Variants in SNRPN observed in about 807,000 individuals in gnomAD.
SNRPN encodes the protein small nuclear ribonucleoprotein polypeptide N.
Under a neutral mutation model 25.2 loss-of-function variants are expected in SNRPN, and 7 were observed. The observed-to-expected ratio is 0.28, with a 90% CI of 0.16 to 0.52. The LOEUF is 0.52. Ranked by LOEUF, SNRPN falls within the 20% of genes least tolerant of loss-of-function variation. The pLI is 0.96. For missense variants in SNRPN, 196 were observed against 322.5 expected, an observed-to-expected ratio of 0.61 and a Z score of 3.00; for synonymous variants, 124 against 110.6, an observed-to-expected ratio of 1.12 and a Z score of -0.76.
Position 24,878,344 on chromosome 15 carries a change from C to A in SNRPN, c.-578-8172C>A, listed in dbSNP as rs58814600. On this transcript the variant is annotated intron_variant, in intron 1 of 11. Coordinates refer to the SNRPN transcript ENST00000400097. ...GAAATGTGCCACCGTTCTGAGCGGC[C>A]GACAAACCCGCAGTGCGCTACGGGA... Among the ~76,000 whole-genome samples, 114 of 152,240 alleles carry A rather than the reference C, an allele frequency of 7.5e-4. 1 individual carries two copies. In the East Asian group the frequency reaches 0.018, roughly 24 times the overall value.
chr15:24,901,240 A>G (rs962323054), intron 2 of SNRPN, among the ~76,000 whole-genome samples: 1 of 152,204 alleles, frequency 6.6e-6, no homozygotes, highest in South Asian at 2.1e-4. Flanking sequence ...TTTGCCAAAG[A>G]CACAATGTAC....
intron 2 of SNRPN, among the ~76,000 whole-genome samples, chr15:24,899,516 G>A (rs1169175123): frequency 6.6e-6 from 1 of 152,192 alleles, no homozygotes; most frequent in Non-Finnish European, 1.5e-5. Flanking sequence ...TAGCATGCAT[G>A]CCTTTCTCCA....
rs530900377 is a variant in SNRPN at position 24,866,724 on chromosome 15, G to A, written c.-579+10008G>A. On this transcript the variant is annotated intron_variant, in intron 1 of 11. Coordinates refer to the SNRPN transcript ENST00000400097. ...TCAACCCCAGGCTCTGGTAACTACC[G>A]TTCTACATCCCCACTTGTATGAAAT... 2.7e-4 allele frequency among the ~76,000 whole-genome samples: 41 copies of A among 152,134 alleles called. No individual in the cohort carries two copies. In the South Asian group the frequency reaches 7.5e-3, roughly 28 times the overall value.
intron 3 of SNRPN, among the ~76,000 whole-genome samples, chr15:24,969,231 T>C (rs2076086645): frequency 6.6e-6 from 1 of 152,162 alleles, no homozygotes; most frequent in South Asian, 2.1e-4. Context: ...CAGGTTCAAC[T>C]GATTTTCCTG....
intron 2 of SNRPN, among the ~76,000 whole-genome samples, chr15:24,887,654 C>T (rs2057314726): frequency 6.6e-6 from 1 of 152,046 alleles, no homozygotes; most frequent in Non-Finnish European, 1.5e-5. Context: ...AAAAATGTAA[C>T]CGAAAATTAA....
chr15:24,845,440 A>C (rs1372370841), intron 2 of SNRPN, among the ~76,000 whole-genome samples: 1 of 152,082 alleles, frequency 6.6e-6, no homozygotes, highest in Non-Finnish European at 1.5e-5. Flanking sequence ...TCTACTAAAA[A>C]TACAAAAATT....
intron 2 of SNRPN, among the ~76,000 whole-genome samples, chr15:24,904,177 G>A (rs2058648927): frequency 6.6e-6 from 1 of 152,180 alleles, no homozygotes; most frequent in Admixed American, 6.5e-5. Flanking sequence ...TGCAGTGTGT[G>A]AGGGAACACA....
rs1198523579 is a variant in SNRPN at position 24,955,002 on chromosome 15, C to G, written c.-451C>G. ...CGAGTCTGGCGCAGAGTGGAGCGGC[C>G]GCCGGAGATGCCTGACGCATCTGTC... On this transcript the variant is annotated 5_prime_UTR_variant, in exon 1 of 10. Coordinates refer to ENST00000390687, the MANE Select transcript of SNRPN (RefSeq NM_003097.6). 1 of 1,610,962 alleles carries G rather than the reference C, an allele frequency of 6.2e-7. No individual in the cohort carries two copies. Among genetic ancestry groups the G allele is most frequent in the Non-Finnish European group, 8.5e-7 (1 of 1,179,572 alleles).
At chr15:24,846,882 A>G (rs2052249746) in intron 2 of SNRPN, among the ~76,000 whole-genome samples, 1 of 152,186 alleles carries the variant, frequency 6.6e-6, no homozygotes, top group African/African-American at 2.4e-5. Context: ...TAAAATGGGA[A>G]TTTGGGAGTC....
At chr15:24,845,889 C>A (rs1220725324) in intron 2 of SNRPN, among the ~76,000 whole-genome samples, 3 of 151,750 alleles carry the variant, frequency 2.0e-5, no homozygotes, top group Non-Finnish European at 4.4e-5. Flanking sequence ...TTGAGACCAG[C>A]CTGACCAAGG....
intron 2 of SNRPN, among the ~76,000 whole-genome samples, chr15:24,840,827 C>T (rs972281912): frequency 3.3e-5 from 5 of 152,140 alleles, no homozygotes. Flanking sequence ...TGGGCTGTTA[C>T]ATTGTGACAG....
chr15:24,825,640 T>A lies in SNRPN; in HGVS notation c.-687+1790T>A, dbSNP rs143609911. Among the ~76,000 whole-genome samples the A allele has an allele frequency of 2.2e-4, 34 of 152,234 alleles. 1 individual carries two copies. The highest frequency in any genetic ancestry group is 8.0e-4 in the African/African-American group (33 of 41,494). On this transcript the variant is annotated intron_variant, in intron 1 of 12. Coordinates refer to the SNRPN transcript ENST00000400100. ...AATGTGTTTAACATGCCTACCTTAC[T>A]GAACATCATACTTTAGTCTAGCCTG...
chr15:24,870,076 C>T (rs747263674), intron 1 of SNRPN, among the ~76,000 whole-genome samples: 10 of 152,202 alleles, frequency 6.6e-5, no homozygotes, highest in Admixed American at 5.9e-4. Flanking sequence ...TTTGAAATAG[C>T]CACATTATTT....
At chr15:24,894,257 C>A (rs568063264) in intron 2 of SNRPN, among the ~76,000 whole-genome samples, 2 of 151,376 alleles carry the variant, frequency 1.3e-5, no homozygotes, top group Admixed American at 1.3e-4. Context: ...CTCGCTCTGT[C>A]GCCCAGGCTG....
At chr15:24,865,797 G>A (rs532449771) in intron 1 of SNRPN, among the ~76,000 whole-genome samples, 1 of 152,116 alleles carries the variant, frequency 6.6e-6, no homozygotes, top group Non-Finnish European at 1.5e-5. Flanking sequence ...TAATATGAAT[G>A]CTGGTCAGTT....
upstream of SNRPN, among the ~76,000 whole-genome samples, chr15:24,950,926 A>G (rs186896323): frequency 8.0e-5 from 12 of 150,880 alleles, 1 homozygote; most frequent in South Asian, 2.3e-3. Context: ...CAGTGGTGCA[A>G]TCTCCCTCAC....
intron 2 of SNRPN, among the ~76,000 whole-genome samples, chr15:24,905,320 C>T (rs2058727117): frequency 6.6e-6 from 1 of 151,530 alleles, no homozygotes; most frequent in Admixed American, 6.6e-5. Flanking sequence ...ACCAGCCTGG[C>T]CAATATGGTA....
intron 3 of SNRPN, among the ~76,000 whole-genome samples, chr15:24,922,326 A>G (rs935850329): frequency 4.6e-5 from 7 of 152,214 alleles, no homozygotes; most frequent in African/African-American, 1.7e-4. Flanking sequence ...CAGATCCTCT[A>G]CACATTTCAC....
intron 2 of SNRPN, among the ~76,000 whole-genome samples, chr15:24,901,806 A>T (rs1445018328): frequency 6.6e-6 from 1 of 152,210 alleles, no homozygotes; most frequent in East Asian, 1.9e-4. Context: ...CACAGAACAT[A>T]GGAAGAAAAG....
Sources: gnomAD v4.1 joint callset for allele counts (sites outside exome capture counted in the v4.1 genomes callset) on GRCh38, gnomAD v4.1.1 for gene constraint, MANE v1.5 for transcripts, NCBI Gene and HGNC (gene_info 2026-07-23, HGNC 2026-07-21) for gene names.